MRPL1: variants seen among roughly 807,000 people sequenced by gnomAD.
The protein encoded by MRPL1 is large ribosomal subunit protein uL1m.
MRPL1 carries 28 observed loss-of-function variants against 38.0 expected under a neutral mutation model. The ratio of observed to expected loss-of-function variants is 0.74; its 90% CI spans 0.55 to 1.01. The LOEUF is 1.01. MRPL1 is among the 50% of genes least tolerant of loss of function. The pLI is 0.00. For synonymous variants in MRPL1, 123 were observed against 126.7 expected, an observed-to-expected ratio of 0.97 and a Z score of 0.20; for missense variants, 358 against 389.8, an observed-to-expected ratio of 0.92 and a Z score of 0.69.
At chr4:77,886,787 TTC>T (rs1735685870) in intron 4 of MRPL1, among the ~76,000 whole-genome samples, 1 of 123,042 alleles carries the variant, frequency 8.1e-6, no homozygotes, top group South Asian at 2.7e-4. Context: ...GGTTTGCATT[TTC>T]TTTTTTTTTT....
chr4:77,942,830 G>C (rs1219671365), intron 7 of MRPL1, among the ~76,000 whole-genome samples: 1 of 152,076 alleles, frequency 6.6e-6, no homozygotes, highest in Non-Finnish European at 1.5e-5. Context: ...TATCCATTCT[G>C]CTATTCTGTA....
At position 77,885,365 on chromosome 4, in the gene MRPL1, T is replaced by G. The variant is rs772119641; in HGVS notation, c.486+26T>G. ...GTGAGTAACTTCCGTCAACTATTTATATCATTTAATTTTTTTTTTTGAGAC... is the reference window on the plus strand; with the variant it reads ...GTGAGTAACTTCCGTCAACTATTTAGATCATTTAATTTTTTTTTTTGAGAC... On this transcript the variant is annotated intron_variant, in intron 4 of 8. Coordinates refer to ENST00000315567, the MANE Select transcript of MRPL1 (RefSeq NM_020236.4). The G allele has an allele frequency of 1.9e-6, 3 of 1,567,112 alleles. No individual in the cohort carries two copies. In the East Asian group the frequency reaches 6.7e-5, roughly 35 times the overall value.
At chr4:77,920,737 C>T (rs951100469) in intron 7 of MRPL1, among the ~76,000 whole-genome samples, 2 of 151,976 alleles carry the variant, frequency 1.3e-5, no homozygotes, top group Non-Finnish European at 2.9e-5. Flanking sequence ...TTTATTCCCT[C>T]TATAGTACCC....
chr4:77,946,143 C>T (rs778196590), intron 7 of MRPL1, among the ~76,000 whole-genome samples: 1 of 152,010 alleles, frequency 6.6e-6, no homozygotes, highest in Non-Finnish European at 1.5e-5. Context: ...CGTTTATAGA[C>T]CTCCCCCCAG....
At chr4:77,906,122 A>T (rs534382448) in intron 6 of MRPL1, among the ~76,000 whole-genome samples, 1 of 152,320 alleles carries the variant, frequency 6.6e-6, no homozygotes, top group South Asian at 2.1e-4. Context: ...AGGTAGTTCA[A>T]CCTTTGGAAG....
At chr4:77,898,839 A>G (rs1396230793) in intron 6 of MRPL1, among the ~76,000 whole-genome samples, 2 of 151,782 alleles carry the variant, frequency 1.3e-5, no homozygotes, top group African/African-American at 2.4e-5. Flanking sequence ...GAATAATTGT[A>G]TTTATAGTAG....
chr4:77,927,178 GT>G (rs1736733098), intron 7 of MRPL1, among the ~76,000 whole-genome samples: 1 of 152,130 alleles, frequency 6.6e-6, no homozygotes. Context: ...TCACAGAATA[GT>G]TTTTCAATGA....
intron 7 of MRPL1, among the ~76,000 whole-genome samples, chr4:77,916,426 A>G (rs1267104189): frequency 6.6e-6 from 1 of 152,200 alleles, no homozygotes. Flanking sequence ...TTACAAATGC[A>G]TATAAAGAAA....
At chr4:77,906,428 A>T (rs1018134367) in intron 6 of MRPL1, among the ~76,000 whole-genome samples, 5 of 151,926 alleles carry the variant, frequency 3.3e-5, no homozygotes, top group Admixed American at 2.0e-4. Context: ...AACATAGGAG[A>T]CTTGTTTATT....
At chr4:77,894,044 T>G in intron 5 of MRPL1, 95 bp from the exon 6 acceptor site, 1 of 731,162 alleles carries the variant, frequency 1.4e-6, no homozygotes. Flanking sequence ...AATGTCTGTT[T>G]TCTGAATTAT....
chr4:77,911,803 A>G (rs1736295063), intron 7 of MRPL1, among the ~76,000 whole-genome samples: 1 of 152,162 alleles, frequency 6.6e-6, no homozygotes, highest in African/African-American at 2.4e-5. Context: ...GAAAACCACA[A>G]TGCAGTATCA....
At chr4:77,931,564 T>C (rs1002306547) in intron 7 of MRPL1, among the ~76,000 whole-genome samples, 2 of 152,246 alleles carry the variant, frequency 1.3e-5, no homozygotes, top group African/African-American at 4.8e-5. Flanking sequence ...TTGTGTGATA[T>C]ATTTTTCAGG....
intron 7 of MRPL1, among the ~76,000 whole-genome samples, chr4:77,945,767 G>A (rs1211646725): frequency 2.6e-5 from 4 of 152,102 alleles, no homozygotes; most frequent in Non-Finnish European, 4.4e-5. Context: ...TTCAAAAGGG[G>A]AGGGGGTGTA....
chr4:77,945,099 A>T (rs1280594414), intron 7 of MRPL1, among the ~76,000 whole-genome samples: 2 of 151,224 alleles, frequency 1.3e-5, no homozygotes, highest in African/African-American at 4.9e-5. Flanking sequence ...GGCCCAAAGT[A>T]AGTACCCAAT....
At chr4:77,908,822 G>T (rs920001164) in intron 6 of MRPL1, among the ~76,000 whole-genome samples, 1 of 152,190 alleles carries the variant, frequency 6.6e-6, no homozygotes, top group Non-Finnish European at 1.5e-5. Context: ...CTCAATGGGC[G>T]ATGGATCTGC....
At chr4:77,924,038 T>G (rs888782562) in intron 7 of MRPL1, among the ~76,000 whole-genome samples, 1 of 152,050 alleles carries the variant, frequency 6.6e-6, no homozygotes, top group Non-Finnish European at 1.5e-5. Context: ...CTATACTTAT[T>G]ATATGCAATG....
chr4:77,909,393 T>A (rs1170604375), intron 7 of MRPL1, 21 bp downstream of exon 7: 3 of 1,330,446 alleles, frequency 2.3e-6, no homozygotes, highest in Non-Finnish European at 3.2e-6. Context: ...ATGAAAATTA[T>A]CAAATAATCC....
intron 7 of MRPL1, among the ~76,000 whole-genome samples, chr4:77,938,960 T>C (rs1020906145): frequency 2.6e-5 from 4 of 152,174 alleles, no homozygotes; most frequent in Admixed American, 6.5e-5. Context: ...CAGGTGGTGT[T>C]TGGTTACAGG....
At chr4:77,896,079 G>C (rs1210576370) in intron 6 of MRPL1, among the ~76,000 whole-genome samples, 1 of 149,396 alleles carries the variant, frequency 6.7e-6, no homozygotes, top group African/African-American at 2.5e-5. Flanking sequence ...ATGGTGATCT[G>C]ATTTTTAAAA....
Sources: allele counts gnomAD v4.1 joint callset (sites outside exome capture counted in the v4.1 genomes callset), GRCh38; gene constraint gnomAD v4.1.1; transcripts MANE v1.5; gene names NCBI Gene and HGNC (gene_info 2026-07-23, HGNC 2026-07-21).